The following GRIK1 variants were observed in gnomAD, a reference collection of about 807,000 sequenced individuals.
GRIK1 encodes glutamate receptor ionotropic, kainate 1.
In GRIK1, 69 loss-of-function variants were observed where a neutral mutation model predicts 105.7. The ratio of observed to expected loss-of-function variants is 0.65; its 90% CI spans 0.54 to 0.80. The LOEUF is 0.80. GRIK1 is among the 30% of genes least tolerant of loss of function. The probability of loss-of-function intolerance (pLI) is 0.00; values close to 1 mark genes in which losing one functional copy is unlikely to be tolerated. For synonymous variants in GRIK1, 438 were observed against 431.3 expected (o/e 1.02, Z -0.19); for missense variants, 1,109 against 1,167.3 (o/e 0.95, Z 0.73).
At chr21:29,563,728 G>C (rs547733035) in intron 14 of GRIK1, among the ~76,000 whole-genome samples, 2 of 152,240 alleles carry the variant, frequency 1.3e-5, no homozygotes, top group East Asian at 3.9e-4. Context: ...CTACCTTAAG[G>C]GAAAATAATT....
Position 29,728,165 on chromosome 21 carries a change from A to G in GRIK1, c.119-34102T>C, listed in dbSNP as rs545209566. Among the ~76,000 whole-genome samples the G allele has an allele frequency of 2.0e-5, 3 of 152,314 alleles. No individual in the cohort carries two copies. In the South Asian group the frequency reaches 6.2e-4, roughly 32 times the overall value. On this transcript the variant is annotated intron_variant, in intron 1 of 17. Transcript: ENST00000327783. ...TTAGCTCAATCAAGTTGTCATATAA[A>G]ATTAACCATTGTATAAACCTTGCCA...
intron 9 of GRIK1, among the ~76,000 whole-genome samples, chr21:29,594,130 T>A (rs756105901): frequency 1.3e-5 from 2 of 152,182 alleles, no homozygotes; most frequent in Non-Finnish European, 2.9e-5. Context: ...ATATATATGC[T>A]GAGTGACCTC....
At chr21:29,764,278 A>G (rs1028934257) in intron 1 of GRIK1, among the ~76,000 whole-genome samples, 1 of 152,172 alleles carries the variant, frequency 6.6e-6, no homozygotes, top group African/African-American at 2.4e-5. Context: ...CTTTCAGTTT[A>G]CTAGTGCCAC....
At chr21:29,924,197 G>T (rs1439010098) in intron 1 of GRIK1, among the ~76,000 whole-genome samples, 2 of 151,928 alleles carry the variant, frequency 1.3e-5, no homozygotes, top group Admixed American at 1.3e-4. Flanking sequence ...AATTAGCCAG[G>T]CGTGGTGGCG....
At chr21:29,896,392 C>G (rs2070161135) in intron 1 of GRIK1, among the ~76,000 whole-genome samples, 2 of 152,100 alleles carry the variant, frequency 1.3e-5, no homozygotes, top group South Asian at 4.1e-4. Context: ...ACTTAATATG[C>G]TACATATTTT....
Position 29,537,808 on chromosome 21 carries a change from C to G in GRIK1, c.2684G>C (p.Gly895Ala), listed in dbSNP as rs1466379322. 4 of 1,501,498 alleles carry G rather than the reference C, an allele frequency of 2.7e-6. No individual in the cohort carries two copies. The highest frequency in any genetic ancestry group is 2.8e-5 in the African/African-American group (2 of 72,646). 93.0% of individuals were successfully genotyped at this position (1,501,498 alleles called of 1,614,324 possible). The change falls in exon 17 of 18, where the codon GGT (glycine) becomes GCT (alanine). Residue 895 changes from glycine to alanine, a missense_variant. Gly to Ala is a moderately conservative substitution (Grantham distance 60). This residue lies in a region of GRIK1 where 161 missense variants were observed against 143.4 expected (regional missense o/e 1.12). Transcript: ENST00000327783. ...RFHGRKKQSL[G>A]VEKCLSFNAI... ...AGAAAATGAACAAACCTTCTCTACA[C>G]CAAGGCTTTGTTTTTTTCTCCCATG...
At chr21:29,693,141 T>C (rs535882282) in intron 2 of GRIK1, among the ~76,000 whole-genome samples, 1 of 152,210 alleles carries the variant, frequency 6.6e-6, no homozygotes, top group Non-Finnish European at 1.5e-5. Flanking sequence ...ATGAGTAGCC[T>C]TTGTTTCCAC....
intron 1 of GRIK1, among the ~76,000 whole-genome samples, chr21:29,721,521 GA>G (rs911710305): frequency 1.5e-5 from 2 of 131,820 alleles, no homozygotes; most frequent in Non-Finnish European, 3.3e-5. Context: ...TGGGCAAAAT[GA>G]AAAAAAAATG....
At chr21:29,827,252 G>C (rs2067485877) in intron 1 of GRIK1, among the ~76,000 whole-genome samples, 1 of 151,994 alleles carries the variant, frequency 6.6e-6, no homozygotes, top group Non-Finnish European at 1.5e-5. Flanking sequence ...TTTAAAGCAG[G>C]TGGTATTTTG....
At chr21:29,601,342 C>A in intron 7 of GRIK1, 1 of 397,320 alleles carries the variant, frequency 2.5e-6, no homozygotes, top group Non-Finnish European at 5.4e-6. Flanking sequence ...TTTCCAGGGT[C>A]TCTAGTTTGC....
intron 1 of GRIK1, among the ~76,000 whole-genome samples, chr21:29,835,354 G>A (rs2067763383): frequency 6.6e-6 from 1 of 152,162 alleles, no homozygotes; most frequent in Non-Finnish European, 1.5e-5. Context: ...TTTTTTGAGA[G>A]GCGTGGCCCC....
At chr21:29,656,735 T>C (rs919403847) in intron 4 of GRIK1, among the ~76,000 whole-genome samples, 2 of 152,188 alleles carry the variant, frequency 1.3e-5, no homozygotes, top group Non-Finnish European at 2.9e-5. Flanking sequence ...TGAACTAGAA[T>C]GATTTTACGT....
chr21:29,625,926 C>G (rs575636492), intron 7 of GRIK1, among the ~76,000 whole-genome samples: 1 of 152,062 alleles, frequency 6.6e-6, no homozygotes, highest in South Asian at 2.1e-4. Flanking sequence ...AGTTGTGTCC[C>G]CCCAAATTTG....
chr21:29,732,604 TAA>T (rs2064663497), intron 1 of GRIK1, among the ~76,000 whole-genome samples: 2 of 152,160 alleles, frequency 1.3e-5, no homozygotes, highest in Admixed American at 6.6e-5. Context: ...AATATCACTT[TAA>T]GAGAGATATG....
chr21:29,720,729 G>A (rs987650603), intron 1 of GRIK1, among the ~76,000 whole-genome samples: 3 of 151,992 alleles, frequency 2.0e-5, no homozygotes, highest in Non-Finnish European at 4.4e-5. Flanking sequence ...CTTCCTAAGC[G>A]TACACACACG....
intron 1 of GRIK1, among the ~76,000 whole-genome samples, chr21:29,796,599 T>C (rs952627862): frequency 1.3e-5 from 2 of 152,162 alleles, no homozygotes; most frequent in Non-Finnish European, 2.9e-5. Context: ...TATCTGTTTT[T>C]TTCTTGGTTT....
intron 7 of GRIK1, among the ~76,000 whole-genome samples, chr21:29,616,618 C>T (rs1175117639): frequency 6.6e-6 from 1 of 152,320 alleles, no homozygotes; most frequent in Non-Finnish European, 1.5e-5. Context: ...TCTGGGGCTT[C>T]AATTCACTCA....
intron 11 of GRIK1, among the ~76,000 whole-genome samples, chr21:29,588,216 C>T (rs894532175): frequency 2.0e-5 from 3 of 151,740 alleles, no homozygotes; most frequent in Non-Finnish European, 4.4e-5. Flanking sequence ...CCTTGTGATC[C>T]GCCTGCCTCA....
intron 1 of GRIK1, among the ~76,000 whole-genome samples, chr21:29,920,618 C>T (rs467028): frequency 0.22 from 33,309 of 151,898 alleles, 4,197 homozygotes; most frequent in African/African-American, 0.34. Context: ...AATTCACATC[C>T]GTGTGCCTTT....
Sources: allele counts gnomAD v4.1 joint callset (sites outside exome capture counted in the v4.1 genomes callset), GRCh38; gene constraint gnomAD v4.1.1; regional missense constraint gnomAD v4.1.1; transcripts MANE v1.5; gene names NCBI Gene and HGNC (gene_info 2026-07-23, HGNC 2026-07-21).